The following HACE1 variants were observed in gnomAD, a reference collection of about 807,000 sequenced individuals.
HACE1 encodes HECT domain and ankyrin repeat containing E3 ubiquitin protein ligase 1.
HACE1 carries 73 observed loss-of-function variants against 118.4 expected under a neutral mutation model. The observed-to-expected ratio is 0.62, with a 90% CI of 0.51 to 0.75. HACE1 has a LOEUF of 0.75. HACE1 is among the 30% of genes least tolerant of loss of function. The pLI is 0.00. For missense variants in HACE1, 749 were observed against 1,102.2 expected (o/e 0.68, Z 4.54); for synonymous variants, 368 against 374.8 (o/e 0.98, Z 0.21).
chr6:104,854,349 T>C (rs1263056677), intron 1 of HACE1, among the ~76,000 whole-genome samples: 3 of 152,202 alleles, frequency 2.0e-5, no homozygotes, highest in Non-Finnish European at 4.4e-5. Flanking sequence ...CTCTGTAGTA[T>C]AGTTAATAGT....
intron 6 of HACE1, among the ~76,000 whole-genome samples, chr6:104,825,092 A>G (rs1459740398): frequency 6.6e-6 from 1 of 151,694 alleles, no homozygotes; most frequent in Non-Finnish European, 1.5e-5. Context: ...AAAAAAAAAA[A>G]AAAAAGAAAG....
At chr6:104,792,527 C>G (rs1783133197) in intron 10 of HACE1, among the ~76,000 whole-genome samples, 1 of 152,162 alleles carries the variant, frequency 6.6e-6, no homozygotes, top group South Asian at 2.1e-4. Flanking sequence ...AAATCTCTAA[C>G]ATCAGTTATC....
intron 20 of HACE1, among the ~76,000 whole-genome samples, 184 bp from the exon 21 acceptor site, chr6:104,744,794 C>T (rs545233789): frequency 5.3e-5 from 8 of 152,216 alleles, no homozygotes; most frequent in Admixed American, 3.3e-4. Context: ...CTGATAATCT[C>T]AAATATTATA....
chr6:104,819,899 T>C (rs1772510961), intron 6 of HACE1, among the ~76,000 whole-genome samples: 1 of 152,058 alleles, frequency 6.6e-6, no homozygotes, highest in Non-Finnish European at 1.5e-5. Flanking sequence ...GATTAAAGAC[T>C]TAAATGTAAA....
intron 1 of HACE1, chr6:104,858,448 C>A: frequency 2.7e-6 from 1 of 376,604 alleles, no homozygotes; most frequent in Non-Finnish European, 5.3e-6. Context: ...CATCTGTAAT[C>A]CCAACACTTT....
rs571668874 is a variant in HACE1, at chr6:104,853,813, G to A, written c.77-1442C>T. On this transcript the variant is annotated intron_variant, in intron 1 of 23. Transcript: ENST00000262903. ...GCAGTACAGCAGTCCCCACTTATCC[G>A]CAGGGGATACATTCCAAGACCCCGA... Among the ~76,000 whole-genome samples, 4 of 152,158 alleles carry A rather than the reference G, an allele frequency of 2.6e-5. No homozygotes were observed. In the East Asian group the frequency reaches 5.8e-4, roughly 22 times the overall value.
chr6:104,849,957 T>G (rs1341781760), intron 3 of HACE1, among the ~76,000 whole-genome samples: 1 of 150,114 alleles, frequency 6.7e-6, no homozygotes, highest in Non-Finnish European at 1.5e-5. Context: ...TCCTTTTTTT[T>G]TTTTTTTTTT....
chr6:104,798,328 C>G (rs987085825), intron 7 of HACE1, among the ~76,000 whole-genome samples: 3 of 152,006 alleles, frequency 2.0e-5, no homozygotes, highest in African/African-American at 7.2e-5. Context: ...AAACAAAACA[C>G]TATTCATTCT....
chr6:104,840,474 C>T (rs1044037550), intron 5 of HACE1, among the ~76,000 whole-genome samples: 3 of 152,076 alleles, frequency 2.0e-5, no homozygotes, highest in Admixed American at 6.6e-5. Context: ...AACCAAAAAA[C>T]CAGGAAGTAG....
chr6:104,832,689 C>A (rs1293802316), intron 6 of HACE1, among the ~76,000 whole-genome samples: 1 of 151,994 alleles, frequency 6.6e-6, no homozygotes, highest in Non-Finnish European at 1.5e-5. Flanking sequence ...CGGCTCCCAG[C>A]CCAAAAGCAC....
At chr6:104,757,095 C>T (rs898405264) in intron 19 of HACE1, among the ~76,000 whole-genome samples, 9 of 152,294 alleles carry the variant, frequency 5.9e-5, no homozygotes, top group Admixed American at 3.9e-4. Flanking sequence ...TGGAGCTCAG[C>T]AAGGCCTACT....
At chr6:104,768,695 C>A (rs963320003) in intron 19 of HACE1, among the ~76,000 whole-genome samples, 1 of 152,038 alleles carries the variant, frequency 6.6e-6, no homozygotes, top group African/African-American at 2.4e-5. Context: ...GCTATTAACA[C>A]TCCTAATTAC....
intron 6 of HACE1, among the ~76,000 whole-genome samples, chr6:104,832,772 G>A (rs766136458): frequency 6.6e-6 from 1 of 151,864 alleles, no homozygotes; most frequent in Non-Finnish European, 1.5e-5. Flanking sequence ...AGTGGTTCAC[G>A]CATGTAATCC....
intron 16 of HACE1, 40 bp from the exon 17 acceptor site, chr6:104,776,868 G>C: frequency 6.9e-7 from 1 of 1,451,366 alleles, no homozygotes; most frequent in South Asian, 1.1e-5. Flanking sequence ...ACAGAAATAT[G>C]TTATATTGGG....
intron 6 of HACE1, 102 bp downstream of exon 6, chr6:104,832,940 A>T: frequency 9.2e-7 from 1 of 1,092,326 alleles, no homozygotes; most frequent in Non-Finnish European, 1.4e-6. Flanking sequence ...AGATTTTGCT[A>T]TAATGCTTCA....
At chr6:104,818,413 A>T (rs1438138102) in intron 6 of HACE1, among the ~76,000 whole-genome samples, 4 of 152,092 alleles carry the variant, frequency 2.6e-5, no homozygotes, top group African/African-American at 9.7e-5. Flanking sequence ...GCCAACCAAA[A>T]AAAGCCCAGG....
chr6:104,793,148 T>C (rs578080842), intron 10 of HACE1, among the ~76,000 whole-genome samples: 1 of 151,048 alleles, frequency 6.6e-6, no homozygotes, highest in South Asian at 2.1e-4. Context: ...GCCCATGTAG[T>C]CCCAGCTACT....
intron 6 of HACE1, among the ~76,000 whole-genome samples, chr6:104,824,132 C>T (rs1773069547): frequency 6.6e-6 from 1 of 152,156 alleles, no homozygotes; most frequent in African/African-American, 2.4e-5. Context: ...GAGCCTTGTT[C>T]GGAAGGTGAG....
intron 19 of HACE1, among the ~76,000 whole-genome samples, chr6:104,770,810 C>T (rs183642954): frequency 2.0e-4 from 30 of 152,260 alleles, no homozygotes; most frequent in Admixed American, 3.9e-4. Flanking sequence ...ATGTGGAAAG[C>T]TTAAACACTG....
Sources: allele counts gnomAD v4.1 joint callset (sites outside exome capture counted in the v4.1 genomes callset), GRCh38; gene constraint gnomAD v4.1.1; transcripts MANE v1.5; gene names NCBI Gene and HGNC (gene_info 2026-07-23, HGNC 2026-07-21).